Variants in RBFOX1 observed in about 807,000 individuals in gnomAD.
RBFOX1 encodes the protein RNA binding fox-1 homolog 1, also known as RNA binding protein fox-1 homolog 1.
A neutral mutation model predicts 57.7 loss-of-function variants in RBFOX1; 8 were observed. The observed-to-expected ratio is 0.14, with a 90% confidence interval of 0.08 to 0.25. RBFOX1 has a LOEUF of 0.25. Ranked by LOEUF, RBFOX1 falls within the 10% of genes least tolerant of loss-of-function variation. The pLI, the probability that RBFOX1 is intolerant of heterozygous loss-of-function variation, is 1.00. For synonymous variants in RBFOX1, 326 were observed against 222.4 expected, an observed-to-expected ratio of 1.47 and a Z score of -4.15; for missense variants, 611 against 548.5, an observed-to-expected ratio of 1.11 and a Z score of -1.14.
At position 7,594,062 on chromosome 16, in the gene RBFOX1, G is replaced by A. The variant is rs368444513; in HGVS notation, c.469-1487G>A. ...ACATAGGTATACGTGTGCCATATTG[G>A]TTTGCTGCACCCATCAACTAGTCAT... On this transcript the variant is annotated intron_variant, in intron 7 of 15. Coordinates refer to ENST00000550418, the MANE Select transcript of RBFOX1 (RefSeq NM_018723.4). 1.6e-3 allele frequency among the ~76,000 whole-genome samples: 236 copies of A among 152,140 alleles called. 2 individuals carry two copies. The highest frequency in any genetic ancestry group is 5.3e-3 in the African/African-American group (220 of 41,474).
At chr16:7,558,329 T>G (rs6500984) in intron 5 of RBFOX1, among the ~76,000 whole-genome samples, 140,713 of 152,082 alleles carry the variant, frequency 0.93, 65,348 homozygotes, top group Non-Finnish European at 0.97. Flanking sequence ...ACTCTAGCCT[T>G]TGTGACAAAG....
chr16:6,869,181 C>T (rs746770359), intron 3 of RBFOX1, among the ~76,000 whole-genome samples: 37 of 152,176 alleles, frequency 2.4e-4, no homozygotes, highest in Non-Finnish European at 1.3e-4. Flanking sequence ...CTGCTTTGCA[C>T]GCTCATCTCT....
chr16:7,124,863 G>A (rs2151872873), intron 4 of RBFOX1, among the ~76,000 whole-genome samples: 1 of 152,104 alleles, frequency 6.6e-6, no homozygotes, highest in African/African-American at 2.4e-5. Flanking sequence ...TTACTAAAGT[G>A]TATTCCTGAC....
intron 2 of RBFOX1, among the ~76,000 whole-genome samples, chr16:5,561,994 A>G (rs754796681): frequency 6.6e-6 from 1 of 152,082 alleles, no homozygotes; most frequent in Admixed American, 6.5e-5. Context: ...CTCATCCAAT[A>G]TGGTGCTAGA....
chr16:7,039,100 G>C (rs2045391159), intron 3 of RBFOX1, among the ~76,000 whole-genome samples: 1 of 152,156 alleles, frequency 6.6e-6, no homozygotes, highest in South Asian at 2.1e-4. Context: ...GCACCCCATA[G>C]GTCATTCGAG....
intron 3 of RBFOX1, among the ~76,000 whole-genome samples, chr16:5,836,592 C>T (rs1021452280): frequency 6.6e-6 from 1 of 152,198 alleles, no homozygotes; most frequent in African/African-American, 2.4e-5. Context: ...CATCTCAAAT[C>T]TCCATCTCCA....
chr16:6,225,960 T>C (rs1028015775), intron 1 of RBFOX1, among the ~76,000 whole-genome samples: 1 of 152,184 alleles, frequency 6.6e-6, no homozygotes, highest in Non-Finnish European at 1.5e-5. Context: ...GACAATCTTT[T>C]TCTAGGATTC....
At chr16:6,332,111 G>A (rs2083110287) in intron 2 of RBFOX1, among the ~76,000 whole-genome samples, 1 of 152,170 alleles carries the variant, frequency 6.6e-6, no homozygotes, top group Non-Finnish European at 1.5e-5. Context: ...AATGGAAGAC[G>A]AATGAAGAAA....
chr16:7,368,477 T>C (rs2097505010), intron 4 of RBFOX1, among the ~76,000 whole-genome samples: 2 of 151,816 alleles, frequency 1.3e-5, no homozygotes, highest in Admixed American at 1.3e-4. Context: ...TAGTCTTAAT[T>C]CACTTTAAAA....
rs17144427 is a variant in RBFOX1, at chr16:7,641,664, T to C, written c.757+10981T>C. ...TTTCCAGAAGATCATTTTTCCTTTC[T>C]CTGGCAAGTCCTAATTCCCACTAGT... On this transcript the variant is annotated intron_variant, in intron 11 of 15. Transcript: ENST00000550418. Among the ~76,000 whole-genome samples, 1,516 of 152,332 alleles carry C rather than the reference T, an allele frequency of 1.0e-2. 27 individuals are homozygous for C. Among genetic ancestry groups the C allele is most frequent in the African/African-American group, 0.035 (1,464 of 41,558 alleles).
At chr16:7,530,597 C>T (rs536747904) in intron 5 of RBFOX1, among the ~76,000 whole-genome samples, 6 of 152,056 alleles carry the variant, frequency 3.9e-5, no homozygotes, top group Non-Finnish European at 8.8e-5. Context: ...CAATGTCATG[C>T]GTTCCTGCCA....
At chr16:6,953,463 G>A (rs544977987) in intron 3 of RBFOX1, among the ~76,000 whole-genome samples, 9 of 151,980 alleles carry the variant, frequency 5.9e-5, no homozygotes, top group South Asian at 4.2e-4. Flanking sequence ...TCAGCTCACC[G>A]CAACCTCCAC....
In RBFOX1 at chr16:6,703,128, T is replaced by A. The variant is rs147190292; in HGVS notation, c.-16+48478T>A. ...GCTGAATAATATTTCATTGTGAGAA[T>A]ATATCATGTTTTGTTTTGTTATATC... is the stretch of plus-strand genomic sequence containing the variant. On this transcript the variant is annotated intron_variant, in intron 3 of 15. Transcript: ENST00000550418. 1.3e-3 allele frequency among the ~76,000 whole-genome samples: 192 copies of A among 152,388 alleles called. 1 individual carries two copies. The highest frequency in any genetic ancestry group is 3.4e-3 in the Middle Eastern group (1 of 292).
intron 2 of RBFOX1, among the ~76,000 whole-genome samples, chr16:6,377,198 C>T (rs556490342): frequency 2.2e-4 from 32 of 148,832 alleles, no homozygotes; most frequent in Non-Finnish European, 3.7e-4. Context: ...CACTTAAGCC[C>T]AGGAAGTGGA....
At chr16:5,448,222 T>C (rs999039857) in intron 1 of RBFOX1, among the ~76,000 whole-genome samples, 2 of 152,196 alleles carry the variant, frequency 1.3e-5, no homozygotes, top group African/African-American at 4.8e-5. Flanking sequence ...AAATTAGACC[T>C]GGACGCTGCA....
At chr16:6,636,253 C>T (rs1307437347) in intron 2 of RBFOX1, among the ~76,000 whole-genome samples, 1 of 152,162 alleles carries the variant, frequency 6.6e-6, no homozygotes, top group Non-Finnish European at 1.5e-5. Flanking sequence ...TCACTGCAAG[C>T]TCTGCCTCCC....
At chr16:5,635,523 G>C (rs889549275) in intron 3 of RBFOX1, among the ~76,000 whole-genome samples, 3 of 152,218 alleles carry the variant, frequency 2.0e-5, no homozygotes, top group African/African-American at 7.2e-5. Context: ...AATGTGTTGA[G>C]ATGTGAAGGA....
intron 2 of RBFOX1, among the ~76,000 whole-genome samples, chr16:5,488,980 C>A (rs1046158859): frequency 6.6e-6 from 1 of 152,192 alleles, no homozygotes; most frequent in Non-Finnish European, 1.5e-5. Context: ...TTAGTCTTTG[C>A]AAGTGTTCTG....
chr16:7,514,833 G>A lies in RBFOX1; in HGVS notation c.28-3314G>A, dbSNP rs1000128452. Reference sequence around the variant, plus strand: ...AGCCTTAGCTCTTTTGCAAGAACTAGTAGGAATGGGCCACTTTTCCTGAGC... The same window carrying A: ...AGCCTTAGCTCTTTTGCAAGAACTAATAGGAATGGGCCACTTTTCCTGAGC... On this transcript the variant is annotated intron_variant, in intron 4 of 15. Coordinates refer to ENST00000550418, the MANE Select transcript of RBFOX1 (RefSeq NM_018723.4). Among the ~76,000 whole-genome samples, 7 of 152,302 alleles carry A rather than the reference G, an allele frequency of 4.6e-5. No individual in the cohort carries two copies. The East Asian group carries it at 9.6e-4, about 21-fold the overall frequency.
Sources: gnomAD v4.1 joint callset for allele counts (sites outside exome capture counted in the v4.1 genomes callset) on GRCh38, gnomAD v4.1.1 for gene constraint, MANE v1.5 for transcripts, NCBI Gene and HGNC (gene_info 2026-07-23, HGNC 2026-07-21) for gene names.